The following COP1 variants were observed in gnomAD, a reference collection of about 807,000 sequenced individuals.
The protein encoded by COP1 is COP1 E3 ubiquitin ligase.
COP1 carries 24 observed loss-of-function variants against 101.3 expected under a neutral mutation model. The observed-to-expected ratio is 0.24, with a 90% CI of 0.17 to 0.33. The LOEUF is 0.33. Ranked by LOEUF, COP1 falls within the 10% of genes least tolerant of loss-of-function variation. The pLI, the probability that COP1 is intolerant of heterozygous loss-of-function variation, is 1.00. For synonymous variants in COP1, 347 were observed against 341.9 expected (o/e 1.01, Z -0.17); for missense variants, 663 against 906.2 (o/e 0.73, Z 3.45).
chr1:176,165,392 GTGT>G (rs757183379), intron 3 of COP1, among the ~76,000 whole-genome samples: 1,491 of 149,066 alleles, frequency 0.01, 14 homozygotes, highest in Admixed American at 0.017. Flanking sequence ...GTGTGTGTGT[GTGT>G]GTGTGTGTGT....
intron 18 of COP1, among the ~76,000 whole-genome samples, chr1:175,974,083 C>CT (rs1326357295): frequency 1.3e-5 from 2 of 152,028 alleles, no homozygotes; most frequent in Non-Finnish European, 2.9e-5. Flanking sequence ...TGGGGAAACA[C>CT]TAACAGATTT....
chr1:176,200,608 G>A (rs929516894), intron 1 of COP1, among the ~76,000 whole-genome samples: 1 of 152,102 alleles, frequency 6.6e-6, no homozygotes, highest in South Asian at 2.1e-4. Context: ...TGCATTCTAT[G>A]TTTCACTTTA....
intron 8 of COP1, among the ~76,000 whole-genome samples, chr1:176,134,355 G>A (rs1689457243): frequency 6.6e-6 from 1 of 151,974 alleles, no homozygotes; most frequent in African/African-American, 2.4e-5. Flanking sequence ...TCAAGATTCA[G>A]ATAGCATATA....
chr1:176,008,613 A>T (rs1664013899), intron 15 of COP1, among the ~76,000 whole-genome samples: 1 of 152,180 alleles, frequency 6.6e-6, no homozygotes, highest in Non-Finnish European at 1.5e-5. Flanking sequence ...ATTTCTACTA[A>T]GAATTTTTCT....
At chr1:175,961,550 G>A (rs1651349954) in intron 18 of COP1, among the ~76,000 whole-genome samples, 3 of 152,026 alleles carry the variant, frequency 2.0e-5, no homozygotes, top group Admixed American at 6.6e-5. Context: ...AAAGAAATAG[G>A]CTGGGTGTGG....
At chr1:176,028,707 ATATATATATATATATATATAGTTT>A (rs1668132763) in intron 14 of COP1, among the ~76,000 whole-genome samples, 1 of 126,726 alleles carries the variant, frequency 7.9e-6, no homozygotes. Context: ...ATATATATAT[ATATATATATATATATATATAGTTT>A]TATATATATT....
intron 3 of COP1, among the ~76,000 whole-genome samples, chr1:176,173,214 G>A (rs1347809029): frequency 6.6e-6 from 1 of 151,490 alleles, no homozygotes; most frequent in African/African-American, 2.4e-5. Context: ...GGGAGGCTGA[G>A]GCAGGAGAAT....
chr1:176,202,469 G>A (rs371507725), intron 1 of COP1, among the ~76,000 whole-genome samples: 3 of 152,008 alleles, frequency 2.0e-5, no homozygotes, highest in Non-Finnish European at 2.9e-5. Flanking sequence ...GATTACAGGC[G>A]TGAACCAAGG....
intron 9 of COP1, among the ~76,000 whole-genome samples, chr1:176,108,142 A>C (rs910932408): frequency 1.3e-5 from 2 of 152,096 alleles, no homozygotes. Context: ...CAATTTTTTA[A>C]TTTTGCTAAT....
chr1:176,189,768 CAATG>C (rs1698910626), intron 1 of COP1, among the ~76,000 whole-genome samples: 1 of 150,692 alleles, frequency 6.6e-6, no homozygotes, highest in Admixed American at 6.6e-5. Flanking sequence ...TCCCTAGAAA[CAATG>C]AAAGCAAGCC....
chr1:175,990,833 C>T (rs897095704), intron 15 of COP1, among the ~76,000 whole-genome samples: 7 of 152,010 alleles, frequency 4.6e-5, no homozygotes, highest in African/African-American at 1.2e-4. Context: ...CTTTTTCCAT[C>T]CTGTTACTTT....
rs183533540 is a variant in COP1, at chr1:176,019,549, C to T, written c.1729+8023G>A. 4.3e-3 allele frequency among the ~76,000 whole-genome samples: 613 copies of T among 141,192 alleles called. 6 individuals are homozygous for T. Among genetic ancestry groups the T allele is most frequent in the Middle Eastern group, 7.4e-3 (2 of 272 alleles). 92.6% of individuals were successfully genotyped at this position (141,192 alleles called of 152,430 possible). A position where few individuals can be genotyped will look rare whatever the true frequency, so the allele number is the denominator to read the frequency against. On this transcript the variant is annotated intron_variant, in intron 15 of 19. Transcript: ENST00000367669. ...CACTACTACTACCACCAAATCATAA[C>T]AAAAAAAAAAATCAAAACATCACTA...
intron 5 of COP1, among the ~76,000 whole-genome samples, chr1:176,161,350 A>G (rs539093620): frequency 6.6e-6 from 1 of 152,316 alleles, no homozygotes; most frequent in East Asian, 1.9e-4. Context: ...GCACCCTGGG[A>G]GGCTGAGGTG....
chr1:176,033,090 T>G (rs947061126), intron 14 of COP1, among the ~76,000 whole-genome samples: 4 of 152,190 alleles, frequency 2.6e-5, no homozygotes, highest in African/African-American at 7.2e-5. Context: ...AGTTGTCACT[T>G]GTGCATTAAC....
Position 175,962,519 on chromosome 1 carries a change from C to G in COP1, c.2134-15280G>C, listed in dbSNP as rs116680519. Among the ~76,000 whole-genome samples, 491 of 152,194 alleles carry G rather than the reference C, an allele frequency of 3.2e-3. 3 individuals carry two copies. The highest frequency in any genetic ancestry group is 0.011 in the African/African-American group (458 of 41,536). ...TCTTCTTGTCTAAATGGTATAAAAA[C>G]CTCCAAACCGAGCCTTTTCATTGGG... On this transcript the variant is annotated intron_variant, in intron 18 of 19. Transcript: ENST00000367669.
intron 8 of COP1, among the ~76,000 whole-genome samples, chr1:176,124,206 A>T (rs868395454): frequency 8.5e-5 from 13 of 152,106 alleles, no homozygotes; most frequent in African/African-American, 3.1e-4. Context: ...ATGTAATATC[A>T]CAACATGGAG....
chr1:175,986,896 T>C (rs768796681), intron 18 of COP1, 47 bp downstream of exon 18: 1 of 1,396,306 alleles, frequency 7.2e-7, no homozygotes, highest in Non-Finnish European at 9.7e-7. Flanking sequence ...GTATACATAA[T>C]GCATAATATG....
At chr1:175,983,319 G>C (rs980647056) in intron 18 of COP1, among the ~76,000 whole-genome samples, 1 of 152,168 alleles carries the variant, frequency 6.6e-6, no homozygotes, top group African/African-American at 2.4e-5. Flanking sequence ...TTCCCGAACT[G>C]TTCTCGTGAC....
At chr1:176,112,623 T>G (rs1057277775) in intron 9 of COP1, among the ~76,000 whole-genome samples, 2 of 152,182 alleles carry the variant, frequency 1.3e-5, no homozygotes, top group African/African-American at 4.8e-5. Context: ...TAACTATAAT[T>G]TCCCTACTGT....
Sources: allele counts gnomAD v4.1 joint callset (sites outside exome capture counted in the v4.1 genomes callset), GRCh38; gene constraint gnomAD v4.1.1; transcripts MANE v1.5; gene names NCBI Gene and HGNC (gene_info 2026-07-23, HGNC 2026-07-21).